The following RNF220 variants were observed in gnomAD, a reference collection of about 807,000 sequenced individuals.
RNF220 encodes the protein E3 ubiquitin-protein ligase RNF220.
Under a neutral mutation model 67.1 loss-of-function variants are expected in RNF220, and 7 were observed. The ratio of observed to expected loss-of-function variants is 0.10; its 90% CI spans 0.06 to 0.20. The LOEUF is 0.20. Ranked by LOEUF, RNF220 falls within the 10% of genes least tolerant of loss-of-function variation. RNF220 has a pLI of 1.00. For synonymous variants in RNF220, 270 were observed against 283.2 expected (o/e 0.95, Z 0.47); for missense variants, 565 against 740.3 (o/e 0.76, Z 2.75).
At chr1:44,479,590 A>G (rs1655613558) in intron 2 of RNF220, among the ~76,000 whole-genome samples, 1 of 152,122 alleles carries the variant, frequency 6.6e-6, no homozygotes, top group East Asian at 1.9e-4. Context: ...AGAGCCTATT[A>G]GATGCCATCT....
rs1400867248 is a variant in RNF220 at position 44,606,885 on chromosome 1, CAT to C, written c.626-7278_626-7277del. On this transcript the variant is annotated intron_variant, in intron 2 of 14. Coordinates refer to ENST00000361799, the MANE Select transcript of RNF220 (RefSeq NM_018150.4). The surrounding 1 kb of genome is among the most constrained non-coding windows in gnomAD (Gnocchi z 4.2). ...GGTCTAGAACTCTAGCTCTGGCTCACATAGAGTGCCTACTCAGCATTTTCACA... is the reference window on the plus strand; with the variant it reads ...GGTCTAGAACTCTAGCTCTGGCTCACAGAGTGCCTACTCAGCATTTTCACA... Among the ~76,000 whole-genome samples the C allele has an allele frequency of 6.6e-6, 1 of 152,204 alleles. No homozygotes were observed. The highest frequency in any genetic ancestry group is 2.4e-5 in the African/African-American group (1 of 41,448).
chr1:44,511,604 C>T (rs753604420), intron 2 of RNF220, among the ~76,000 whole-genome samples: 9 of 152,144 alleles, frequency 5.9e-5, no homozygotes, highest in East Asian at 1.9e-4. Flanking sequence ...TAGGAGAATA[C>T]TCAGAAAATG....
Position 44,408,123 on chromosome 1 carries a change from A to G in RNF220, c.-118+2593A>G, listed in dbSNP as rs181760142. On this transcript the variant is annotated intron_variant, in intron 1 of 14. Transcript: ENST00000361799. The stretch of plus-strand genomic sequence containing the variant: ...TGGGCTCGGCTCCGCGTTGGGCCCA[A>G]GTTTATGTAGGTTTCGCCTTCACCT... Among the ~76,000 whole-genome samples, 283 of 152,122 alleles carry G rather than the reference A, an allele frequency of 1.9e-3. 1 individual carries two copies. Among genetic ancestry groups the G allele is most frequent in the African/African-American group, 6.6e-3 (274 of 41,490 alleles).
intron 2 of RNF220, among the ~76,000 whole-genome samples, chr1:44,534,078 G>A (rs1386417345): frequency 6.6e-6 from 1 of 152,164 alleles, no homozygotes; most frequent in East Asian, 1.9e-4. Flanking sequence ...GGGTCCAAGT[G>A]ATTCTTGTGC....
chr1:44,516,748 A>G (rs1659480982), intron 2 of RNF220, among the ~76,000 whole-genome samples: 4 of 152,178 alleles, frequency 2.6e-5, no homozygotes, highest in Admixed American at 2.0e-4. Context: ...CATTCCATAC[A>G]TTAAGTCAAT....
At chr1:44,423,836 C>T (rs1399875107) in intron 2 of RNF220, 2 of 985,182 alleles carry the variant, frequency 2.0e-6, no homozygotes, top group South Asian at 4.7e-5. Flanking sequence ...GCTTGACTTT[C>T]GCGAGGGAGG....
rs1176649676 is a variant in RNF220, at chr1:44,528,502, G to A, written c.626-85663G>A. On this transcript the variant is annotated intron_variant, in intron 2 of 14. Transcript: ENST00000361799. ...TTTTTAGTAGAGATGGGGTTTCACC[G>A]TGTTAGCCAGGATGGTCTCAATCTC... Among the ~76,000 whole-genome samples, 16 of 151,452 alleles carry A rather than the reference G, an allele frequency of 1.1e-4. No homozygotes were observed. In the South Asian group the frequency reaches 1.7e-3, roughly 16 times the overall value.
chr1:44,411,824 T>G (rs569796258), intron 1 of RNF220, among the ~76,000 whole-genome samples, 157 bp from the exon 2 acceptor site: 90 of 152,326 alleles, frequency 5.9e-4, no homozygotes, highest in Admixed American at 9.1e-4. Context: ...ATGAAAATGG[T>G]CTGATGCTGC....
At chr1:44,582,434 G>T (rs187419402) in intron 2 of RNF220, among the ~76,000 whole-genome samples, 8 of 152,272 alleles carry the variant, frequency 5.3e-5, no homozygotes, top group Non-Finnish European at 1.2e-4. Flanking sequence ...GGGGACTGAG[G>T]TACCCAAAGC....
At chr1:44,541,058 G>A (rs897868043) in intron 2 of RNF220, among the ~76,000 whole-genome samples, 6 of 152,190 alleles carry the variant, frequency 3.9e-5, no homozygotes, top group African/African-American at 1.4e-4. Context: ...CAACAACTGA[G>A]AGGTAGGTAT....
intron 2 of RNF220, among the ~76,000 whole-genome samples, chr1:44,473,894 C>T (rs1655039585): frequency 6.6e-6 from 1 of 152,128 alleles, no homozygotes; most frequent in East Asian, 1.9e-4. Context: ...CTGCCATTCC[C>T]ATGCGTTATC....
intron 2 of RNF220, among the ~76,000 whole-genome samples, chr1:44,502,683 A>G (rs1240772268): frequency 1.3e-5 from 2 of 152,182 alleles, no homozygotes; most frequent in South Asian, 2.1e-4. Flanking sequence ...ATGCCACACA[A>G]TACATTGTAA....
intron 2 of RNF220, among the ~76,000 whole-genome samples, chr1:44,498,981 A>G (rs1435032801): frequency 6.6e-6 from 1 of 152,092 alleles, no homozygotes; most frequent in East Asian, 1.9e-4. Flanking sequence ...ATTACCAGTA[A>G]TTATACCCCT....
intron 2 of RNF220, among the ~76,000 whole-genome samples, chr1:44,468,000 G>A (rs777721365): frequency 6.6e-6 from 1 of 152,042 alleles, no homozygotes; most frequent in Non-Finnish European, 1.5e-5. Flanking sequence ...GGAGCAGTCA[G>A]AACACACACA....
At chr1:44,468,723 G>A (rs2147983925) in intron 2 of RNF220, among the ~76,000 whole-genome samples, 1 of 152,164 alleles carries the variant, frequency 6.6e-6, no homozygotes, top group East Asian at 1.9e-4. Context: ...AGACCAGCCT[G>A]GCCATCATGG....
chr1:44,496,484 A>C (rs896948337), intron 2 of RNF220, among the ~76,000 whole-genome samples: 4 of 152,240 alleles, frequency 2.6e-5, no homozygotes, highest in African/African-American at 9.6e-5. Context: ...GGAATGATTA[A>C]TGCTAAGGAA....
intron 2 of RNF220, among the ~76,000 whole-genome samples, chr1:44,458,137 C>A (rs1406310324): frequency 2.0e-5 from 3 of 151,910 alleles, no homozygotes; most frequent in African/African-American, 7.3e-5. Context: ...GGTGTAGGCA[C>A]CTGTAGTTGC....
In RNF220 at chr1:44,496,900, C is replaced by T. The variant is rs568177570; in HGVS notation, c.625+84178C>T. On this transcript the variant is annotated intron_variant, in intron 2 of 14. Coordinates refer to ENST00000361799, the MANE Select transcript of RNF220 (RefSeq NM_018150.4). Reference sequence around the variant, plus strand: ...GCTGGGGCAGACAGTGTGAGAGCTGCGGGCGGCACCTCCACCTTCTTGTGG... The same window carrying T: ...GCTGGGGCAGACAGTGTGAGAGCTGTGGGCGGCACCTCCACCTTCTTGTGG... Among the ~76,000 whole-genome samples, 35 of 152,304 alleles carry T rather than the reference C, an allele frequency of 2.3e-4. No individual in the cohort carries two copies. The South Asian group carries it at 6.2e-3, about 27-fold the overall frequency.
At chr1:44,567,397 C>G (rs1415112911) in intron 2 of RNF220, among the ~76,000 whole-genome samples, 1 of 152,066 alleles carries the variant, frequency 6.6e-6, no homozygotes, top group Non-Finnish European at 1.5e-5. Flanking sequence ...GCCACATAGC[C>G]CCCGCCAGAG....
Sources: allele counts gnomAD v4.1 joint callset (sites outside exome capture counted in the v4.1 genomes callset), GRCh38; gene constraint gnomAD v4.1.1; non-coding constraint Gnocchi (gnomAD v3.1); transcripts MANE v1.5; gene names NCBI Gene and HGNC (gene_info 2026-07-23, HGNC 2026-07-21).